Variants in CATSPERB observed in about 807,000 individuals in gnomAD.
CATSPERB encodes the protein cation channel sperm-associated auxiliary subunit beta.
A neutral mutation model predicts 128.3 loss-of-function variants in CATSPERB; 93 were observed. The ratio of observed to expected loss-of-function variants is 0.72; its 90% CI spans 0.61 to 0.86. The LOEUF (loss-of-function observed/expected upper bound fraction) is 0.86. CATSPERB is among the 40% of genes least tolerant of loss of function. The probability of loss-of-function intolerance (pLI) is 0.00; values close to 1 mark genes in which losing one functional copy is unlikely to be tolerated. For missense variants in CATSPERB, 1,153 were observed against 1,329.5 expected (o/e 0.87, Z 2.06); for synonymous variants, 381 against 448.8 (o/e 0.85, Z 1.91).
At chr14:91,627,486 G>A (rs1709789820) in intron 17 of CATSPERB, among the ~76,000 whole-genome samples, 1 of 152,188 alleles carries the variant, frequency 6.6e-6, no homozygotes, top group South Asian at 2.1e-4. Flanking sequence ...CAGCAGTGAT[G>A]AGTAGCTAAA....
intron 15 of CATSPERB, among the ~76,000 whole-genome samples, chr14:91,652,436 A>C (rs1346927465): frequency 2.6e-5 from 4 of 151,550 alleles, no homozygotes; most frequent in Admixed American, 2.6e-4. Context: ...ACATGGGCAG[A>C]TCATTTGAGG....
chr14:91,629,956 TATC>T, intron 17 of CATSPERB, among the ~76,000 whole-genome samples: 1 of 152,074 alleles, frequency 6.6e-6, no homozygotes, highest in East Asian at 1.9e-4. Context: ...AAAAGACAAA[TATC>T]ATCAAACTAA....
intron 20 of CATSPERB, 60 bp downstream of exon 20, chr14:91,617,537 A>T: frequency 7.8e-7 from 1 of 1,281,308 alleles, no homozygotes; most frequent in Non-Finnish European, 1.1e-6. Context: ...TATTAATAAT[A>T]GTTGTTTCAG....
chr14:91,649,646 G>A (rs67853306), intron 15 of CATSPERB, among the ~76,000 whole-genome samples: 42,549 of 121,132 alleles, frequency 0.35, 8,027 homozygotes, highest in Admixed American at 0.53. Context: ...ACAGACGCCC[G>A]CCAGCATGCA....
At chr14:91,610,052 T>C (rs1893796554) in intron 21 of CATSPERB, among the ~76,000 whole-genome samples, 2 of 152,166 alleles carry the variant, frequency 1.3e-5, no homozygotes, top group African/African-American at 4.8e-5. Context: ...CTATGAGGTT[T>C]GTCTGTGAAT....
chr14:91,678,882 C>A (rs1357757667), intron 11 of CATSPERB, among the ~76,000 whole-genome samples: 1 of 152,100 alleles, frequency 6.6e-6, no homozygotes, highest in Non-Finnish European at 1.5e-5. Context: ...AAGTTGTCAG[C>A]AAAATGCCCA....
rs3029803 is a variant in CATSPERB at position 91,587,477 on chromosome 14, C to CTTTTTTT, written c.3058-208_3058-202dup. Among the ~76,000 whole-genome samples, 27 of 101,538 alleles carry CTTTTTTT rather than the reference C, an allele frequency of 2.7e-4. 1 individual carries two copies. Among genetic ancestry groups the CTTTTTTT allele is most frequent in the South Asian group, 7.1e-4 (2 of 2,812 alleles). 66.6% of individuals were successfully genotyped at this position (101,538 alleles called of 152,430 possible). On this transcript the variant is annotated intron_variant, in intron 25 of 26. Transcript: ENST00000256343. ...AAGTGGAGGGATTCAATAGCTGATA[C>CTTTTTTT]TTTTTTTTTTTTTTTTTTTTTTTTT... is the stretch of plus-strand genomic sequence containing the variant.
intron 22 of CATSPERB, among the ~76,000 whole-genome samples, chr14:91,597,079 G>A (rs193147612): frequency 9.3e-5 from 14 of 150,998 alleles, no homozygotes; most frequent in Admixed American, 9.2e-4. Flanking sequence ...ATTTTTAGTA[G>A]AGACAGTGTT....
At chr14:91,595,424 C>T (rs1893489582) in intron 22 of CATSPERB, among the ~76,000 whole-genome samples, 1 of 152,082 alleles carries the variant, frequency 6.6e-6, no homozygotes, top group African/African-American at 2.4e-5. Context: ...ATCTCGGCCT[C>T]CCAAGGTGCT....
At chr14:91,731,144 T>A (rs1012982068) in intron 1 of CATSPERB, among the ~76,000 whole-genome samples, 2 of 152,204 alleles carry the variant, frequency 1.3e-5, no homozygotes, top group Non-Finnish European at 2.9e-5. Context: ...TCTTTATGCC[T>A]CTTCATGGGT....
At chr14:91,721,202 A>G (rs1314016584) in intron 4 of CATSPERB, among the ~76,000 whole-genome samples, 1 of 152,212 alleles carries the variant, frequency 6.6e-6, no homozygotes, top group Non-Finnish European at 1.5e-5. Flanking sequence ...CAAAAGCACA[A>G]GCAACAAGAG....
chr14:91,646,713 A>G (rs1038244971), intron 15 of CATSPERB, among the ~76,000 whole-genome samples: 32 of 152,150 alleles, frequency 2.1e-4, no homozygotes, highest in African/African-American at 7.2e-4. Context: ...TTCCTCTCCA[A>G]TCTCACACTT....
intron 2 of CATSPERB, 104 bp downstream of exon 2, chr14:91,729,297 T>A: frequency 2.0e-6 from 1 of 493,984 alleles, no homozygotes; most frequent in East Asian, 3.4e-5. Flanking sequence ...GAAGATAAGA[T>A]AAAGAAGAAA....
At chr14:91,648,885 C>T (rs886531540) in intron 15 of CATSPERB, among the ~76,000 whole-genome samples, 4 of 151,974 alleles carry the variant, frequency 2.6e-5, no homozygotes, top group African/African-American at 9.7e-5. Context: ...GATATCTGCT[C>T]ATTCCCTCAT....
chr14:91,646,374 ATC>A (rs972880922), intron 15 of CATSPERB: 46 of 152,738 alleles, frequency 3.0e-4, no homozygotes, highest in South Asian at 2.1e-4. Flanking sequence ...AGCCACTGTC[ATC>A]TCTCTTGTGC....
intron 16 of CATSPERB, 21 bp from the exon 17 acceptor site, chr14:91,636,600 A>G: frequency 6.3e-7 from 1 of 1,587,108 alleles, no homozygotes. Context: ...AGAAAAGAAA[A>G]TATTATATTT....
intron 2 of CATSPERB, among the ~76,000 whole-genome samples, chr14:91,728,516 T>C (rs193208479): frequency 8.5e-5 from 13 of 152,324 alleles, no homozygotes; most frequent in African/African-American, 3.1e-4. Context: ...CAGGATCTTC[T>C]GGGCTTGGGT....
intron 4 of CATSPERB, 34 bp from the exon 5 acceptor site, chr14:91,719,512 TACAACATGAATAACA>T (rs763710419): frequency 6.5e-7 from 1 of 1,536,818 alleles, no homozygotes; most frequent in Non-Finnish European, 9.0e-7. Context: ...AACAATGTTT[TACAACATGAATAACA>T]ACACATCACA....
intron 18 of CATSPERB, 42 bp from the exon 19 acceptor site, chr14:91,621,979 C>T: frequency 2.2e-6 from 3 of 1,343,748 alleles, no homozygotes; most frequent in Non-Finnish European, 3.0e-6. Flanking sequence ...AATCAAACAT[C>T]CGATGTTTGC....
Sources: allele counts gnomAD v4.1 joint callset (sites outside exome capture counted in the v4.1 genomes callset), GRCh38; gene constraint gnomAD v4.1.1; transcripts MANE v1.5; gene names NCBI Gene and HGNC (gene_info 2026-07-23, HGNC 2026-07-21).